MROH9: variants seen among roughly 807,000 people sequenced by gnomAD.
The protein encoded by MROH9 is maestro heat-like repeat-containing protein family member 9.
MROH9 carries 92 observed loss-of-function variants against 98.2 expected under a neutral mutation model. The observed-to-expected ratio is 0.94, with a 90% CI of 0.79 to 1.11. The LOEUF (loss-of-function observed/expected upper bound fraction) is 1.11, where lower values mean the gene tolerates loss of function less well. Among genes scored for constraint, MROH9 ranks in the 50% most tolerant of loss-of-function variants. The pLI is 0.00. For missense variants in MROH9, 1,057 were observed against 1,014.8 expected (o/e 1.04, Z -0.57); for synonymous variants, 397 against 368.9 (o/e 1.08, Z -0.87).
intron 20 of MROH9, among the ~76,000 whole-genome samples, chr1:171,052,201 T>C (rs551493550): frequency 8.5e-4 from 130 of 152,382 alleles, no homozygotes; most frequent in Non-Finnish European, 1.5e-3. Flanking sequence ...TAGTCTCTGA[T>C]GATCTTTTGT....
At chr1:170,984,887 G>T (rs749361620) in intron 9 of MROH9, among the ~76,000 whole-genome samples, 3 of 152,152 alleles carry the variant, frequency 2.0e-5, no homozygotes, top group Non-Finnish European at 4.4e-5. Context: ...ATACAAGATT[G>T]TAGAAACAAG....
At chr1:171,049,177 A>C (rs1653572222) in intron 20 of MROH9, among the ~76,000 whole-genome samples, 1 of 152,146 alleles carries the variant, frequency 6.6e-6, no homozygotes, top group South Asian at 2.1e-4. Flanking sequence ...CAAGTAAAAA[A>C]CCACCTACAC....
At chr1:170,941,556 A>G (rs1649120599) in intron 1 of MROH9, among the ~76,000 whole-genome samples, 1 of 152,142 alleles carries the variant, frequency 6.6e-6, no homozygotes, top group African/African-American at 2.4e-5. Context: ...GACTATTTTG[A>G]CTGCTGCTTT....
chr1:170,973,460 A>G (rs11582943), intron 8 of MROH9, among the ~76,000 whole-genome samples: 8,880 of 152,268 alleles, frequency 0.058, 363 homozygotes, highest in Middle Eastern at 0.13. Context: ...ATCTAAAAGT[A>G]TCACTATCTC....
chr1:170,976,619 T>G (rs1650703289), intron 8 of MROH9, among the ~76,000 whole-genome samples: 1 of 152,090 alleles, frequency 6.6e-6, no homozygotes, highest in Non-Finnish European at 1.5e-5. Flanking sequence ...TGGTGGTGTG[T>G]GCCTGTAATC....
chr1:171,021,005 T>C (rs1219578955), intron 17 of MROH9, among the ~76,000 whole-genome samples: 2 of 152,140 alleles, frequency 1.3e-5, no homozygotes, highest in Non-Finnish European at 2.9e-5. Context: ...GAACACTCAT[T>C]CGCAATTGCT....
At chr1:171,031,521 T>A (rs1409667737) in intron 20 of MROH9, among the ~76,000 whole-genome samples, 1 of 152,210 alleles carries the variant, frequency 6.6e-6, no homozygotes, top group Non-Finnish European at 1.5e-5. Context: ...TGATTTTATT[T>A]CTCCTTTGCT....
chr1:171,015,393 T>A (rs929446523), intron 16 of MROH9, among the ~76,000 whole-genome samples: 18 of 152,288 alleles, frequency 1.2e-4, no homozygotes, highest in African/African-American at 4.3e-4. Context: ...TGGAAAGTGA[T>A]CTGGGTTGAG....
At chr1:171,059,419 G>A (rs2421637) in intron 20 of MROH9, among the ~76,000 whole-genome samples, 30 of 152,164 alleles carry the variant, frequency 2.0e-4, no homozygotes, top group African/African-American at 6.0e-4. Context: ...GGAGAAATAG[G>A]AATGCTTTTA....
chr1:171,024,721 A>T lies in MROH9; in HGVS notation c.2134A>T (p.Asn712Tyr), dbSNP rs1652650605. 6.4e-7 allele frequency: 1 copy of T among 1,551,042 alleles called. No individual in the cohort carries two copies. Among genetic ancestry groups the T allele is most frequent in the Admixed American group, 2.0e-5 (1 of 50,968 alleles). ...AACATCACGTTTGCTCAAAGATGAA[A>T]ATTACAGTTTTGAGATGGTGGTGCT... Reference protein sequence around the residue: ...WSTSRLLKDENYSFEMVVLNI... With the variant: ...WSTSRLLKDEYYSFEMVVLNI... The change falls in exon 19 of 22, where the codon AAT becomes TAT. Residue 712 changes from asparagine to tyrosine, a missense_variant. Asn to Tyr is a moderately radical substitution (Grantham distance 143). Transcript: ENST00000367759.
chr1:171,003,302 G>T (rs1178732957), intron 15 of MROH9, among the ~76,000 whole-genome samples: 1 of 152,038 alleles, frequency 6.6e-6, no homozygotes, highest in Non-Finnish European at 1.5e-5. Context: ...GATTTTTGAG[G>T]GATGTCAATG....
chr1:171,016,470 ATATTAGGTAAG>A, intron 17 of MROH9, 134 bp downstream of exon 17: 1 of 647,020 alleles, frequency 1.5e-6, no homozygotes, highest in Non-Finnish European at 2.3e-6. Flanking sequence ...AGAGATAAAA[ATATTAGGTAAG>A]TACTGGTCTT....
At chr1:170,963,824 G>T (rs1316102552) in intron 6 of MROH9, among the ~76,000 whole-genome samples, 3 of 152,074 alleles carry the variant, frequency 2.0e-5, no homozygotes, top group African/African-American at 4.8e-5. Context: ...AGATACTGGG[G>T]CCTGACAAAG....
intron 3 of MROH9, among the ~76,000 whole-genome samples, chr1:170,954,607 T>G (rs548834485): frequency 7.6e-4 from 115 of 152,212 alleles, no homozygotes; most frequent in African/African-American, 2.8e-3. Flanking sequence ...TCATGCCAAT[T>G]TACGTTCATG....
At chr1:171,035,213 T>A (rs1433373451) in intron 20 of MROH9, among the ~76,000 whole-genome samples, 1 of 151,938 alleles carries the variant, frequency 6.6e-6, no homozygotes, top group East Asian at 1.9e-4. Context: ...TTAATTTTGA[T>A]ATATTAATTA....
intron 8 of MROH9, among the ~76,000 whole-genome samples, chr1:170,975,351 A>T (rs914753966): frequency 2.0e-5 from 3 of 152,152 alleles, no homozygotes; most frequent in African/African-American, 7.2e-5. Flanking sequence ...TATATTTTAG[A>T]GATAAGAATG....
intron 20 of MROH9, among the ~76,000 whole-genome samples, chr1:171,029,477 G>A (rs1374217051): frequency 6.6e-6 from 1 of 152,026 alleles, no homozygotes; most frequent in Admixed American, 6.6e-5. Flanking sequence ...TAAAGTGCTG[G>A]GATTGTTAAG....
At chr1:171,000,572 C>A (rs1044388804) in intron 15 of MROH9, among the ~76,000 whole-genome samples, 2 of 152,136 alleles carry the variant, frequency 1.3e-5, no homozygotes, top group Admixed American at 6.5e-5. Context: ...ACCATCCCTG[C>A]ATACCTGGTA....
intron 10 of MROH9, 110 bp from the exon 11 acceptor site, chr1:170,989,745 T>C (rs61816055): frequency 0.11 from 104,952 of 948,346 alleles, 6,641 homozygotes; most frequent in Middle Eastern, 0.17. Flanking sequence ...TGTTAGTTGC[T>C]GCTTTGGTAA....
Sources: gnomAD v4.1 joint callset for allele counts (sites outside exome capture counted in the v4.1 genomes callset) on GRCh38, gnomAD v4.1.1 for gene constraint, MANE v1.5 for transcripts, NCBI Gene and HGNC (gene_info 2026-07-23, HGNC 2026-07-21) for gene names.